VIL1: variants seen among roughly 807,000 people sequenced by gnomAD.
The protein encoded by VIL1 is villin-1.
In VIL1, 86 loss-of-function variants were observed where a neutral mutation model predicts 104.0. That is an observed-to-expected ratio of 0.83 (90% CI 0.69 to 0.99). The LOEUF is 0.99. Ranked by LOEUF, VIL1 falls within the 50% of genes least tolerant of loss-of-function variation. VIL1 has a pLI of 0.00. For synonymous variants in VIL1, 394 were observed against 412.6 expected (o/e 0.95, Z 0.55); for missense variants, 944 against 1,054.1 (o/e 0.90, Z 1.45).
intron 1 of VIL1, 61 bp from the exon 2 acceptor site, chr2:218,423,707 C>T (rs749327900): frequency 1.3e-6 from 2 of 1,552,926 alleles, no homozygotes; most frequent in African/African-American, 2.7e-5. Context: ...TCTCTAGGGG[C>T]AGGCTGGAAG....
intron 1 of VIL1, among the ~76,000 whole-genome samples, chr2:218,421,968 A>G (rs895899365): frequency 6.6e-6 from 1 of 152,090 alleles, no homozygotes; most frequent in Non-Finnish European, 1.5e-5. Flanking sequence ...AAAAAGAGGG[A>G]CGGGGCCCGG....
chr2:218,424,245 G>A, intron 2 of VIL1, 32 bp from the exon 3 acceptor site: 1 of 1,608,260 alleles, frequency 6.2e-7, no homozygotes, highest in Non-Finnish European at 8.5e-7. Context: ...GGTGGTCCAG[G>A]GCAGCCCCTC....
intron 15 of VIL1, among the ~76,000 whole-genome samples, chr2:218,435,885 T>G (rs1431495104): frequency 6.6e-6 from 1 of 152,174 alleles, no homozygotes; most frequent in Non-Finnish European, 1.5e-5. Flanking sequence ...TAGGCTGGAA[T>G]GCAGTGGTGC....
Position 218,451,184 on chromosome 2 carries a change from C to T in VIL1, c.*1848C>T, listed in dbSNP as rs1689468230. 1 of 152,140 alleles carries T rather than the reference C, an allele frequency of 6.6e-6. No individual in the cohort carries two copies. The highest frequency in any genetic ancestry group is 1.5e-5 in the Non-Finnish European group (1 of 68,018). The allele number at this position is 152,140 out of a possible 1,614,324, so 9.4% of individuals were successfully genotyped here. On this transcript the variant is annotated 3_prime_UTR_variant, in exon 20 of 20. Coordinates refer to ENST00000248444, the MANE Select transcript of VIL1 (RefSeq NM_007127.3). ...TCTATTTAGTTTTTGTATACACTTG[C>T]AAGAGTGCATTACTCAGTATAAAGC...
intron 19 of VIL1, among the ~76,000 whole-genome samples, chr2:218,442,718 T>C (rs1219460540): frequency 1.3e-5 from 2 of 152,174 alleles, no homozygotes; most frequent in African/African-American, 2.4e-5. Flanking sequence ...GGAGAGATAA[T>C]ATACTCTGTA....
intron 19 of VIL1, among the ~76,000 whole-genome samples, chr2:218,447,983 G>T (rs1032813193): frequency 3.9e-5 from 6 of 152,220 alleles, no homozygotes; most frequent in African/African-American, 1.2e-4. Flanking sequence ...TTTCTGGCTG[G>T]GGGTGGTGGC....
chr2:218,446,289 C>T (rs1689362683), intron 19 of VIL1, among the ~76,000 whole-genome samples: 1 of 152,114 alleles, frequency 6.6e-6, no homozygotes, highest in African/African-American at 2.4e-5. Context: ...AGCTGGAGTG[C>T]AGTGCCATCA....
chr2:218,421,969 C>T (rs1013067322), intron 1 of VIL1, among the ~76,000 whole-genome samples: 4 of 152,006 alleles, frequency 2.6e-5, no homozygotes, highest in African/African-American at 7.2e-5. Flanking sequence ...AAAAGAGGGA[C>T]GGGGCCCGGC....
chr2:218,429,429 G>A lies in VIL1; in HGVS notation c.712G>A (p.Ala238Thr). Residue 238 changes from alanine (A) to threonine (T), a missense_variant, in exon 7 of 20, where the codon GCG (alanine) becomes ACG (threonine). Physicochemically the swap from Ala to Thr is moderately conservative, Grantham distance 58. Transcript: ENST00000248444. ...HVLGKRRELK[A>T]AVPDTVVEPA... ...GCTGGGCAAGCGCAGGGAGCTGAAG[G>A]CGGCCGTGCCCGACACGGTGGTGGA... is the stretch of plus-strand genomic sequence containing the variant. 6.2e-7 allele frequency: 1 copy of A among 1,614,082 alleles called. No individual in the cohort carries two copies. The highest frequency in any genetic ancestry group is 8.5e-7 in the Non-Finnish European group (1 of 1,180,026).
chr2:218,434,619 G>A lies in VIL1; in HGVS notation c.1594G>A (p.Glu532Lys). 6.2e-7 allele frequency: 1 copy of A among 1,614,114 alleles called. No homozygotes were observed. The highest frequency in any genetic ancestry group is 8.5e-7 in the Non-Finnish European group (1 of 1,180,006). Residue 532 changes from glutamate (E) to lysine (K), a missense_variant, in exon 14 of 20, where the codon GAG (glutamate) becomes AAG (lysine). By Grantham distance (56) the Glu-to-Lys change is moderately conservative. Transcript: ENST00000248444. ...GTGANNTKAF[E>K]VPARANFLNS... ...TGGCGCCAACAACACCAAGGCCTTT[G>A]AGGTCCCAGCGCGGGCCAATTTCCT...
Position 218,425,754 on chromosome 2 carries a change from G to T in VIL1, c.290G>T (p.Arg97Leu), listed in dbSNP as rs766393859. 1.5e-5 allele frequency: 25 copies of T among 1,614,040 alleles called. No homozygotes were observed. Among genetic ancestry groups the T allele is most frequent in the East Asian group, 8.9e-5 (4 of 44,884 alleles). ...DFLKGRAVQH[R>L]EVQGNESEAF... is the part of the protein sequence containing the mutation. The stretch of plus-strand genomic sequence containing the variant: ...CTGAAGGGCCGGGCTGTGCAGCACC[G>T]CGAGGTCCAGGGCAACGAGAGCGAG... Residue 97 changes from arginine (R) to leucine (L), a missense_variant, in exon 4 of 20, where the codon CGC becomes CTC. Transcript: ENST00000248444.
intron 18 of VIL1, among the ~76,000 whole-genome samples, chr2:218,438,989 G>A (rs1689240027): frequency 7.0e-6 from 1 of 143,800 alleles, no homozygotes; most frequent in Admixed American, 7.3e-5. Context: ...GGAGTGCAGT[G>A]GCAGGATCTC....
chr2:218,438,576 T>C (rs1477898854), intron 17 of VIL1, 82 bp from the exon 18 acceptor site: 2 of 1,381,830 alleles, frequency 1.4e-6, no homozygotes, highest in African/African-American at 2.8e-5. Flanking sequence ...CCAGCCTTCT[T>C]TTCATTCCTG....
At position 218,437,244 on chromosome 2, in the gene VIL1, G is replaced by A; in HGVS notation, c.2092G>A (p.Val698Met). 6.2e-7 allele frequency: 1 copy of A among 1,614,224 alleles called. No homozygotes were observed. The highest frequency in any genetic ancestry group is 1.1e-5 in the South Asian group (1 of 91,088). ...GRDPETPIIV[V>M]KQGHEPPTFT... Reference sequence around the variant, plus strand: ...TGACCCTGAGACCCCCATCATTGTGGTGAAGCAGGGACACGAGCCCCCCAC... The same window carrying A: ...TGACCCTGAGACCCCCATCATTGTGATGAAGCAGGGACACGAGCCCCCCAC... Residue 698 changes from valine to methionine, a missense_variant, in exon 17 of 20, where the codon GTG (valine) becomes ATG (methionine). Physicochemically the swap from Val to Met is conservative, Grantham distance 21 (BLOSUM62 1). Coordinates refer to ENST00000248444, the MANE Select transcript of VIL1 (RefSeq NM_007127.3).
rs780210910 is a variant in VIL1 at position 218,436,479 on chromosome 2, C to G, written c.1827-3C>G. On this transcript the variant is annotated splice_region_variant and splice_polypyrimidine_tract_variant and intron_variant, in intron 15 of 19. Coordinates refer to ENST00000248444, the MANE Select transcript of VIL1 (RefSeq NM_007127.3). ...CCAGTACAATCTTCTCTCCATCCTG[C>G]AGACTACAGGAAGAAAACCTGGTCA... 4 of 1,613,004 alleles carry G rather than the reference C, an allele frequency of 2.5e-6. No individual in the cohort carries two copies. In the African/African-American group the frequency reaches 5.3e-5, roughly 22 times the overall value.
At chr2:218,434,080 C>T (rs1387487779) in intron 13 of VIL1, among the ~76,000 whole-genome samples, 2 of 151,284 alleles carry the variant, frequency 1.3e-5, no homozygotes, top group African/African-American at 4.9e-5. Context: ...GCCTACAATC[C>T]CAGCTACCCA....
At position 218,452,968 on chromosome 2, in the gene VIL1, T is replaced by G. The variant is rs1689527612; in HGVS notation, c.*3632T>G. 2 of 152,144 alleles carry G rather than the reference T, an allele frequency of 1.3e-5. No homozygotes were observed. Among genetic ancestry groups the G allele is most frequent in the Admixed American group, 1.3e-4 (2 of 15,270 alleles). The allele number at this position is 152,144 out of a possible 1,614,324, so 9.4% of individuals were successfully genotyped here. The stretch of plus-strand genomic sequence containing the variant: ...AAATGAAACAAAACTTTAAAGCTAG[T>G]TTTAAAACAAATATTTTCCTCTGCT... On this transcript the variant is annotated 3_prime_UTR_variant, in exon 20 of 20. Coordinates refer to ENST00000248444, the MANE Select transcript of VIL1 (RefSeq NM_007127.3).
rs1304717800 is a variant in VIL1 at position 218,429,645 on chromosome 2, G to A, written c.819G>A (p.Arg273=). 1 of 1,614,112 alleles carries A rather than the reference G, an allele frequency of 6.2e-7. No individual in the cohort carries two copies. The highest frequency in any genetic ancestry group is 1.1e-5 in the South Asian group (1 of 91,084). ...TGGTGGTGAGGGAAGTCGCCACACGGCCACTGACACAGGACCTGCTCAGTC... is the reference window on the plus strand; with the variant it reads ...TGGTGGTGAGGGAAGTCGCCACACGACCACTGACACAGGACCTGCTCAGTC... The part of the protein sequence containing the change: ...GNLVVREVAT[R]PLTQDLLSHE... The change falls in exon 8 of 20, where the codon CGG becomes CGA. Residue 273 remains arginine (R), a synonymous_variant. Coordinates refer to ENST00000248444, the MANE Select transcript of VIL1 (RefSeq NM_007127.3).
At chr2:218,438,926 ATTTTTTTT>A (rs34676834) in intron 18 of VIL1, among the ~76,000 whole-genome samples, 200 bp downstream of exon 18, 4 of 107,660 alleles carry the variant, frequency 3.7e-5, no homozygotes, top group Admixed American at 2.2e-4. Context: ...ATGGTTCTCA[ATTTTTTTT>A]TTTTTTTTTT....
Sources: allele counts gnomAD v4.1 joint callset (sites outside exome capture counted in the v4.1 genomes callset), GRCh38; gene constraint gnomAD v4.1.1; transcripts MANE v1.5; gene names NCBI Gene and HGNC (gene_info 2026-07-23, HGNC 2026-07-21).